Variants in RASSF2 observed in about 807,000 individuals in gnomAD.
RASSF2 encodes Ras association domain family member 2, also known as ras association domain-containing protein 2.
RASSF2 carries 34 observed loss-of-function variants against 46.3 expected under a neutral mutation model. That is an observed-to-expected ratio of 0.73 (90% CI 0.56 to 0.98). The LOEUF is 0.98. RASSF2 is among the 50% of genes least tolerant of loss of function. The pLI is 0.00. For synonymous variants in RASSF2, 158 were observed against 162.5 expected (o/e 0.97, Z 0.21); for missense variants, 364 against 431.2 (o/e 0.84, Z 1.38).
chr20:4,784,144 A>C lies in RASSF2; in HGVS notation c.*129T>G. On this transcript the variant is annotated 3_prime_UTR_variant, in exon 12 of 12. Coordinates refer to ENST00000379400, the MANE Select transcript of RASSF2 (RefSeq NM_014737.3). ...TTCTACATCCAGCTCCAGGTAGCAAATGATGGCTTGGCCGGAGCTGGGGAG... is the reference window on the plus strand; with the variant it reads ...TTCTACATCCAGCTCCAGGTAGCAACTGATGGCTTGGCCGGAGCTGGGGAG... 1.1e-6 allele frequency: 1 copy of C among 921,250 alleles called. No homozygotes were observed. 57.1% of individuals were successfully genotyped at this position (921,250 alleles called of 1,614,324 possible). A position where few individuals can be genotyped will look rare whatever the true frequency, so the allele number is the denominator to read the frequency against.
At chr20:4,792,284 A>AGGGGG (rs1925952689) in intron 6 of RASSF2, among the ~76,000 whole-genome samples, 3 of 35,180 alleles carry the variant, frequency 8.5e-5, no homozygotes, top group Admixed American at 3.5e-4. Flanking sequence ...AGGGGAGGGG[A>AGGGGG]GGGGGAAAGA....
chr20:4,794,222 T>G (rs897946316), intron 5 of RASSF2, among the ~76,000 whole-genome samples: 13 of 152,060 alleles, frequency 8.5e-5, no homozygotes, highest in African/African-American at 3.1e-4. Flanking sequence ...GCCAGGAGTT[T>G]GAGACCAACC....
chr20:4,807,503 A>T (rs1411921401), intron 2 of RASSF2, among the ~76,000 whole-genome samples: 1 of 152,248 alleles, frequency 6.6e-6, no homozygotes, highest in African/African-American at 2.4e-5. Flanking sequence ...GGACACGCAC[A>T]GTAGTTCATG....
At chr20:4,817,229 C>T (rs1928389290) in intron 2 of RASSF2, among the ~76,000 whole-genome samples, 1 of 152,158 alleles carries the variant, frequency 6.6e-6, no homozygotes. Flanking sequence ...GACTGTTGGT[C>T]TCCATTTGTC....
At chr20:4,821,207 A>G (rs775215274) in intron 2 of RASSF2, among the ~76,000 whole-genome samples, 1 of 152,150 alleles carries the variant, frequency 6.6e-6, no homozygotes, top group Non-Finnish European at 1.5e-5. Context: ...AACAAGGTGT[A>G]GGGTTGTCCG....
intron 10 of RASSF2, among the ~76,000 whole-genome samples, chr20:4,787,220 A>T (rs1475256151): frequency 6.6e-6 from 1 of 152,168 alleles, no homozygotes; most frequent in African/African-American, 2.4e-5. Flanking sequence ...TGGACATGAC[A>T]CACCAAATCT....
chr20:4,804,962 G>A (rs1464393057), intron 2 of RASSF2, among the ~76,000 whole-genome samples: 1 of 152,048 alleles, frequency 6.6e-6, no homozygotes, highest in Non-Finnish European at 1.5e-5. Flanking sequence ...TGAGACCTCA[G>A]TGTTGGCAAA....
rs1003813285 is a variant in RASSF2 at position 4,784,040 on chromosome 20, C to T, written c.*233G>A. ...TGTACACACACACATTTTGGGTCCTCCTTATAACTAAAATCAAAAGTCCTT... is the reference window on the plus strand; with the variant it reads ...TGTACACACACACATTTTGGGTCCTTCTTATAACTAAAATCAAAAGTCCTT... On this transcript the variant is annotated 3_prime_UTR_variant, in exon 12 of 12. Transcript: ENST00000379400. The T allele has an allele frequency of 1.8e-6, 1 of 569,070 alleles. No homozygotes were observed. Among genetic ancestry groups the T allele is most frequent in the African/African-American group, 1.9e-5 (1 of 53,270 alleles). The allele number at this position is 569,070 out of a possible 1,614,324, so 35.3% of individuals were successfully genotyped here. A position where few individuals can be genotyped will look rare whatever the true frequency, so the allele number is the denominator to read the frequency against.
chr20:4,792,237 G>T (rs1443409025), intron 6 of RASSF2, among the ~76,000 whole-genome samples: 1 of 119,866 alleles, frequency 8.3e-6, no homozygotes, highest in African/African-American at 3.3e-5. Flanking sequence ...AGGGAGATGG[G>T]AAGGGAAGGG....
Position 4,801,055 on chromosome 20 carries a change from G to A in RASSF2, c.-25C>T, listed in dbSNP as rs1926826083. On this transcript the variant is annotated 5_prime_UTR_variant, in exon 3 of 12. Coordinates refer to ENST00000379400, the MANE Select transcript of RASSF2 (RefSeq NM_014737.3). ...TTCTTCCTTTCTCTTTTCATCGGAA[G>A]GAGAGGCCTACATTTGGAAGGAGAA... 1.2e-6 allele frequency: 2 copies of A among 1,612,182 alleles called. No individual in the cohort carries two copies. The highest frequency in any genetic ancestry group is 8.5e-7 in the Non-Finnish European group (1 of 1,178,218).
chr20:4,785,299 T>A (rs75219124), intron 11 of RASSF2, among the ~76,000 whole-genome samples: 17,114 of 152,008 alleles, frequency 0.11, 960 homozygotes, highest in East Asian at 0.19. Context: ...AGATCGCATC[T>A]CTGCACTCCA....
At chr20:4,808,324 T>C (rs1927505315) in intron 2 of RASSF2, among the ~76,000 whole-genome samples, 2 of 151,982 alleles carry the variant, frequency 1.3e-5, no homozygotes, top group African/African-American at 2.4e-5. Flanking sequence ...CTAATGGTTG[T>C]TATGTCTTGT....
intron 2 of RASSF2, among the ~76,000 whole-genome samples, chr20:4,813,530 C>T (rs1928023973): frequency 1.3e-5 from 2 of 152,250 alleles, no homozygotes; most frequent in South Asian, 4.1e-4. Context: ...CCCACCCAGA[C>T]AATGGCCTCG....
rs1926073380 is a variant in RASSF2 at position 4,793,421 on chromosome 20, T to C, written c.288-794A>G. On this transcript the variant is annotated intron_variant, in intron 5 of 11. Transcript: ENST00000379400. ...TGGGACCCAGTAGAGATAAACCTCA[T>C]GTTCTGGGGAGGATCGTTTTAAGGA... 2.0e-5 allele frequency among the ~76,000 whole-genome samples: 3 copies of C among 152,322 alleles called. No individual in the cohort carries two copies. In the South Asian group the frequency reaches 6.2e-4, roughly 32 times the overall value.
intron 2 of RASSF2, among the ~76,000 whole-genome samples, chr20:4,813,567 A>C (rs1293795595): frequency 6.6e-6 from 1 of 152,240 alleles, no homozygotes; most frequent in Non-Finnish European, 1.5e-5. Context: ...CCACATGTTT[A>C]CAGGGAAGCC....
intron 2 of RASSF2, among the ~76,000 whole-genome samples, chr20:4,816,265 C>A (rs1476843285): frequency 6.6e-6 from 1 of 152,160 alleles, no homozygotes; most frequent in Non-Finnish European, 1.5e-5. Context: ...ATGACCACAC[C>A]TCTGTACTCT....
chr20:4,793,620 C>T (rs899218379), intron 5 of RASSF2, among the ~76,000 whole-genome samples: 3 of 152,060 alleles, frequency 2.0e-5, no homozygotes, highest in Non-Finnish European at 2.9e-5. Context: ...AAGCAGGAAC[C>T]GGTCTCAGCA....
Position 4,798,096 on chromosome 20 carries a change from A to G in RASSF2, c.60-11T>C. ...AAGAGAAGTTCATTTCTTAGGGGGA[A>G]AAATAGAAGAGATATAACATTATCA... On this transcript the variant is annotated splice_polypyrimidine_tract_variant and intron_variant, in intron 3 of 11. Transcript: ENST00000379400. The G allele has an allele frequency of 6.2e-7, 1 of 1,613,444 alleles. No individual in the cohort carries two copies. Among genetic ancestry groups the G allele is most frequent in the Admixed American group, 1.7e-5 (1 of 59,994 alleles).
rs781747286 is a variant in RASSF2, at chr20:4,784,320, T to A, written c.934A>T (p.Ile312Phe). 1.2e-6 allele frequency: 2 copies of A among 1,613,858 alleles called. No individual in the cohort carries two copies. Among genetic ancestry groups the A allele is most frequent in the Non-Finnish European group, 1.7e-6 (2 of 1,179,888 alleles). ...MRKYTVLRLM[I>F]RQRLEEIAET... ...GCTATCTCCTCCAGCCTCTGTCGAA[T>A]CATTAGCCGGAGCACGGTGTACCTG... is the stretch of plus-strand genomic sequence containing the variant. Residue 312 changes from isoleucine to phenylalanine, a missense_variant, in exon 12 of 12, where the codon ATT (isoleucine) becomes TTT (phenylalanine). Ile to Phe is a conservative substitution (Grantham distance 21). Transcript: ENST00000379400.
Sources: allele counts gnomAD v4.1 joint callset (sites outside exome capture counted in the v4.1 genomes callset), GRCh38; gene constraint gnomAD v4.1.1; transcripts MANE v1.5; gene names NCBI Gene and HGNC (gene_info 2026-07-23, HGNC 2026-07-21).